Variants in MTERF4 observed in about 807,000 individuals in gnomAD.
MTERF4 encodes the protein mitochondrial transcription termination factor 4, also known as transcription termination factor 4, mitochondrial.
In MTERF4, 17 loss-of-function variants were observed where a neutral mutation model predicts 22.5. That is an observed-to-expected ratio of 0.75 (90% CI 0.52 to 1.13). The LOEUF is 1.13. Ranked by LOEUF, MTERF4 falls within the 50% of genes most tolerant of loss-of-function variation. The pLI, the probability that MTERF4 is intolerant of heterozygous loss-of-function variation, is 0.00. For synonymous variants in MTERF4, 165 were observed against 175.3 expected (o/e 0.94, Z 0.47); for missense variants, 420 against 466.8 (o/e 0.90, Z 0.92).
At chr2:241,070,203 T>C (rs1286812912), downstream of MTERF4, 4 of 1,601,840 alleles carry the variant, frequency 2.5e-6, no homozygotes, top group Admixed American at 1.7e-5. Flanking sequence ...TCATCACCTG[T>C]GAGTGCCGTG....
At chr2:241,052,361 C>A in the MTERF4 span, 1 of 1,573,598 alleles carries the variant, frequency 6.4e-7, no homozygotes. Context: ...GCAGCCCCCT[C>A]CCCCTGCTTC....
downstream of MTERF4, chr2:241,067,792 C>T (rs1479053361): frequency 6.2e-7 from 1 of 1,611,510 alleles, no homozygotes; most frequent in Non-Finnish European, 8.5e-7. Context: ...GCTTCGAGGT[C>T]ACCAATGTGA....
At chr2:241,065,270 C>T in the MTERF4 span, 1 of 1,610,888 alleles carries the variant, frequency 6.2e-7, no homozygotes, top group Non-Finnish European at 8.5e-7. Context: ...GACCAGTCCC[C>T]TCCCCTTGTT....
the MTERF4 span, among the ~76,000 whole-genome samples, chr2:241,061,370 G>A: frequency 6.6e-6 from 1 of 152,352 alleles, no homozygotes; most frequent in Admixed American, 6.5e-5. Flanking sequence ...ATACCGGTGA[G>A]AATGTGGATC....
At chr2:241,078,212 G>T (rs1039361628) in intron 4 of MTERF4, among the ~76,000 whole-genome samples, 6 of 151,286 alleles carry the variant, frequency 4.0e-5, no homozygotes, top group Non-Finnish European at 8.8e-5. Context: ...GTGAAACCCC[G>T]TCTCTACTAA....
At chr2:241,071,303 A>C, downstream of MTERF4, 1 of 550,184 alleles carries the variant, frequency 1.8e-6, no homozygotes, top group Non-Finnish European at 3.3e-6. Context: ...AGGGGCCTAG[A>C]CTCAGCCCTG....
At chr2:241,048,857 A>C in the MTERF4 span, 1 of 1,261,900 alleles carries the variant, frequency 7.9e-7, no homozygotes, top group East Asian at 2.5e-5. Flanking sequence ...CCGTAGGTCC[A>C]GACTGTCGAC....
chr2:241,052,371 C>G, the MTERF4 span: 1 of 1,578,404 alleles, frequency 6.3e-7, no homozygotes. Flanking sequence ...CCCCCTGCTT[C>G]CGGAGCCCGT....
chr2:241,048,816 T>A, the MTERF4 span: 1 of 1,462,088 alleles, frequency 6.8e-7, no homozygotes, highest in Middle Eastern at 1.7e-4. Context: ...ATCCTCATAA[T>A]CGGGAAATGA....
downstream of MTERF4, chr2:241,094,255 C>T (rs1216119404): frequency 6.4e-6 from 3 of 467,334 alleles, no homozygotes; most frequent in Non-Finnish European, 1.3e-5. The surrounding 1 kb of genome is among the most constrained non-coding windows in gnomAD (Gnocchi z 4.3). Context: ...CAGGCAAGGG[C>T]CCCACTCAGG....
Position 241,096,429 on chromosome 2 carries a change from A to C in MTERF4, c.715T>G (p.Phe239Val), listed in dbSNP as rs759354557. 1 of 1,613,838 alleles carries C rather than the reference A, an allele frequency of 6.2e-7. No individual in the cohort carries two copies. Among genetic ancestry groups the C allele is most frequent in the African/African-American group, 1.3e-5 (1 of 74,914 alleles). ...QLEYKFQYAY[F>V]RMGIKHPDIV... ...TCTGGATGCTTAATTCCCATCCTGA[A>C]GTATGCATACTGGAAGACACAAACA... Residue 239 changes from phenylalanine (F) to valine (V), a missense_variant, in exon 4 of 4, where the codon TTC becomes GTC. By Grantham distance (50) the Phe-to-Val change is conservative. Transcript: ENST00000391980. This position sits in a 1 kb window ranked among gnomAD's most constrained non-coding sequence, Gnocchi z 5.1.
the MTERF4 span, among the ~76,000 whole-genome samples, chr2:241,060,062 T>C: frequency 1.3e-5 from 2 of 152,188 alleles, no homozygotes; most frequent in African/African-American, 4.8e-5. Flanking sequence ...GGTCAGTATA[T>C]AGAACCTGTT....
the MTERF4 span, among the ~76,000 whole-genome samples, chr2:241,043,942 TG>T: frequency 6.6e-6 from 1 of 152,172 alleles, no homozygotes; most frequent in Non-Finnish European, 1.5e-5. Context: ...TAAGAAGAAA[TG>T]GAAGTATAAT....
At chr2:241,078,239 T>G (rs75891584) in intron 4 of MTERF4, among the ~76,000 whole-genome samples, 1 of 151,366 alleles carries the variant, frequency 6.6e-6, no homozygotes, top group Non-Finnish European at 1.5e-5. Context: ...AAAAATTAGC[T>G]GGGCGTGGTG....
the MTERF4 span, among the ~76,000 whole-genome samples, chr2:241,047,036 G>A: frequency 2.0e-5 from 3 of 151,538 alleles, no homozygotes; most frequent in African/African-American, 7.3e-5. Context: ...CCAGCTACTC[G>A]GGAAGCTGAG....
In MTERF4 at chr2:241,079,829, G is replaced by A. The variant is rs6748923; in HGVS notation, n.480-4147C>T. ...TCTAAGGATAAAAAGCATCGCCAAGGAATGTTAGGCTATACTCAGTGATCT... is the reference window on the plus strand; with the variant it reads ...TCTAAGGATAAAAAGCATCGCCAAGAAATGTTAGGCTATACTCAGTGATCT... On this transcript the variant is annotated intron_variant and non_coding_transcript_variant, in intron 4 of 4. Coordinates refer to the MTERF4 transcript ENST00000464344. Among the ~76,000 whole-genome samples the A allele has an allele frequency of 9.7e-3, 1,471 of 152,240 alleles. 20 individuals are homozygous for A. The highest frequency in any genetic ancestry group is 0.033 in the African/African-American group (1,358 of 41,538).
At chr2:241,053,318 A>T in the MTERF4 span, 1 of 1,575,110 alleles carries the variant, frequency 6.3e-7, no homozygotes. Context: ...GAGCCTCCCC[A>T]GTGCCTTGGT....
rs1307333682 is a variant in MTERF4, at chr2:241,096,000, A to G, written c.1144T>C (p.Ter382GlnextTer2). 7 of 1,613,834 alleles carry G rather than the reference A, an allele frequency of 4.3e-6. No homozygotes were observed. Among genetic ancestry groups the G allele is most frequent in the East Asian group, 2.2e-5 (1 of 44,882 alleles). The change falls in exon 4 of 4, where the codon TAG becomes CAG. Residue 382 changes from the stop codon to glutamine (Q), a stop_lost. Transcript: ENST00000391980. ...DEDEDDDEEE[*>Q] Reference sequence around the variant, plus strand: ...TCGCTCTAGTCCTTCCATCACAGCTATTCCTCCTCGTCGTCGTCCTCATCC... The same window carrying G: ...TCGCTCTAGTCCTTCCATCACAGCTGTTCCTCCTCGTCGTCGTCCTCATCC...
At chr2:241,076,611 C>T (rs1215980681) in intron 4 of MTERF4, among the ~76,000 whole-genome samples, 1 of 152,188 alleles carries the variant, frequency 6.6e-6, no homozygotes, top group Non-Finnish European at 1.5e-5. Flanking sequence ...CCTGTAATCC[C>T]AGCACTTTGG....
Sources: allele counts gnomAD v4.1 joint callset (sites outside exome capture counted in the v4.1 genomes callset), GRCh38; gene constraint gnomAD v4.1.1; non-coding constraint Gnocchi (gnomAD v3.1); transcripts MANE v1.5; gene names NCBI Gene and HGNC (gene_info 2026-07-23, HGNC 2026-07-21).